Variants in RSRC1 observed in about 807,000 individuals in gnomAD.
The protein encoded by RSRC1 is serine/Arginine-related protein 53.
A neutral mutation model predicts 49.1 loss-of-function variants in RSRC1; 39 were observed. The observed-to-expected ratio is 0.79, with a 90% CI of 0.61 to 1.04. The LOEUF (loss-of-function observed/expected upper bound fraction) is 1.04. RSRC1 is among the 50% of genes least tolerant of loss of function. The pLI is 0.00. For synonymous variants in RSRC1, 143 were observed against 130.8 expected (o/e 1.09, Z -0.63); for missense variants, 388 against 402.4 (o/e 0.96, Z 0.31).
Position 158,230,210 on chromosome 3 carries a change from G to T in RSRC1, c.494+26965G>T, listed in dbSNP as rs143460465. On this transcript the variant is annotated intron_variant, in intron 4 of 9. Coordinates refer to ENST00000611884, the MANE Select transcript of RSRC1 (RefSeq NM_001271838.2). ...AATGTTTCTTCATGATTGGAATCAGGTTGTGTATTTCTTTCTTTCTTTTTT... is the reference window on the plus strand; with the variant it reads ...AATGTTTCTTCATGATTGGAATCAGTTTGTGTATTTCTTTCTTTCTTTTTT... Among the ~76,000 whole-genome samples, 97 of 152,098 alleles carry T rather than the reference G, an allele frequency of 6.4e-4. 1 individual carries two copies. The highest frequency in any genetic ancestry group is 1.2e-3 in the Non-Finnish European group (79 of 67,964).
At position 158,246,385 on chromosome 3, in the gene RSRC1, C is replaced by A. The variant is rs568944750; in HGVS notation, c.494+43140C>A. Among the ~76,000 whole-genome samples, 13 of 125,734 alleles carry A rather than the reference C, an allele frequency of 1.0e-4. No homozygotes were observed. In the South Asian group the frequency reaches 3.2e-3, roughly 31 times the overall value. The allele number at this position is 125,734 out of a possible 152,430, so 82.5% of individuals were successfully genotyped here. A position where few individuals can be genotyped will look rare whatever the true frequency, so the allele number is the denominator to read the frequency against. On this transcript the variant is annotated intron_variant, in intron 4 of 9. Transcript: ENST00000611884. ...CACGTTGTGCACATGTACCTTAAAACTTAAAGTATAATAAAAAAAAAAAGG... is the reference window on the plus strand; with the variant it reads ...CACGTTGTGCACATGTACCTTAAAAATTAAAGTATAATAAAAAAAAAAAGG...
chr3:158,398,872 G>T (rs961902513), intron 6 of RSRC1, among the ~76,000 whole-genome samples: 1 of 152,076 alleles, frequency 6.6e-6, no homozygotes, highest in South Asian at 2.1e-4. Context: ...GACAGAGAAG[G>T]AGTCTGTGGT....
chr3:158,124,922 C>T (rs1715520542), intron 3 of RSRC1, among the ~76,000 whole-genome samples: 1 of 149,386 alleles, frequency 6.7e-6, no homozygotes, highest in African/African-American at 2.5e-5. Flanking sequence ...GCTCAATGAT[C>T]TTCTCACCTC....
At chr3:158,389,468 A>G (rs73170369) in intron 6 of RSRC1, among the ~76,000 whole-genome samples, 20,705 of 152,162 alleles carry the variant, frequency 0.14, 1,519 homozygotes, top group Middle Eastern at 0.2. Context: ...ATATCTATAC[A>G]TATGTACCCA....
intron 5 of RSRC1, among the ~76,000 whole-genome samples, chr3:158,326,996 G>C (rs1310577069): frequency 6.6e-6 from 1 of 152,182 alleles, no homozygotes; most frequent in Non-Finnish European, 1.5e-5. Flanking sequence ...ATTTGTTCTA[G>C]ATTTTCTAGT....
intron 6 of RSRC1, among the ~76,000 whole-genome samples, chr3:158,430,763 T>C (rs934957402): frequency 1.3e-5 from 2 of 151,938 alleles, no homozygotes; most frequent in Admixed American, 6.6e-5. Flanking sequence ...TATAACTGTA[T>C]TACCTACCAC....
intron 4 of RSRC1, among the ~76,000 whole-genome samples, chr3:158,291,804 T>G (rs916376518): frequency 1.3e-5 from 2 of 152,246 alleles, no homozygotes; most frequent in Non-Finnish European, 2.9e-5. Context: ...ACTGTTCTTC[T>G]GTTTTAAGAA....
chr3:158,190,290 A>G (rs994699432), intron 3 of RSRC1, among the ~76,000 whole-genome samples: 6 of 151,914 alleles, frequency 3.9e-5, no homozygotes, highest in Non-Finnish European at 7.4e-5. Flanking sequence ...TAGTTACAGG[A>G]CTGTTCTTGC....
chr3:158,161,501 C>T (rs1435962075), intron 3 of RSRC1, among the ~76,000 whole-genome samples: 6 of 152,148 alleles, frequency 3.9e-5, no homozygotes, highest in Admixed American at 6.5e-5. Flanking sequence ...GTGGCTCACG[C>T]CTGTAATCCC....
intron 7 of RSRC1, among the ~76,000 whole-genome samples, chr3:158,510,730 A>C (rs560897026): frequency 3.4e-4 from 52 of 152,308 alleles, no homozygotes; most frequent in Non-Finnish European, 6.0e-4. Flanking sequence ...TTGTGCTATC[A>C]GATAGTAGGT....
chr3:158,284,703 G>A (rs1726403260), intron 4 of RSRC1, among the ~76,000 whole-genome samples: 2 of 152,028 alleles, frequency 1.3e-5, no homozygotes, highest in South Asian at 4.1e-4. Flanking sequence ...TTTGAGAAGT[G>A]TCTGTTCACG....
intron 1 of RSRC1, among the ~76,000 whole-genome samples, chr3:158,113,341 A>G (rs1714542410): frequency 6.6e-6 from 1 of 150,676 alleles, no homozygotes; most frequent in South Asian, 2.1e-4. Flanking sequence ...CTGTCTCTCC[A>G]CAGCCTTGCC....
intron 3 of RSRC1, among the ~76,000 whole-genome samples, chr3:158,156,402 G>C (rs1717881022): frequency 6.6e-6 from 1 of 152,092 alleles, no homozygotes; most frequent in Non-Finnish European, 1.5e-5. Context: ...CAGTAATAAG[G>C]CTATTTCATT....
At chr3:158,158,411 TATTATA>T (rs770444663) in intron 3 of RSRC1, among the ~76,000 whole-genome samples, 1 of 152,188 alleles carries the variant, frequency 6.6e-6, no homozygotes, top group Non-Finnish European at 1.5e-5. Context: ...TACTGAGGGA[TATTATA>T]ATTATATATT....
intron 6 of RSRC1, among the ~76,000 whole-genome samples, chr3:158,376,360 C>T (rs1323445049): frequency 4.0e-5 from 6 of 151,844 alleles, no homozygotes; most frequent in Admixed American, 3.9e-4. Context: ...CGGGGTTTCA[C>T]CATGTTGGTC....
chr3:158,413,868 C>T (rs527492691), intron 6 of RSRC1, among the ~76,000 whole-genome samples: 58 of 152,216 alleles, frequency 3.8e-4, no homozygotes, highest in African/African-American at 1.3e-3. Flanking sequence ...GAAATAGGAA[C>T]GCTTTCACAC....
intron 3 of RSRC1, among the ~76,000 whole-genome samples, chr3:158,158,563 A>G (rs1272670245): frequency 2.6e-5 from 4 of 152,000 alleles, no homozygotes; most frequent in East Asian, 1.9e-4. Context: ...CACCTTCACT[A>G]TGGGGTAGCA....
chr3:158,339,497 G>A (rs949424629), intron 5 of RSRC1, among the ~76,000 whole-genome samples: 1 of 152,076 alleles, frequency 6.6e-6, no homozygotes, highest in African/African-American at 2.4e-5. Context: ...TATTTATAAT[G>A]TAGATTACGT....
chr3:158,395,926 A>C (rs570175666), intron 6 of RSRC1, among the ~76,000 whole-genome samples: 20 of 152,284 alleles, frequency 1.3e-4, no homozygotes, highest in African/African-American at 4.8e-4. Flanking sequence ...AAAGACATGG[A>C]ATCAACCTAA....
Sources: gnomAD v4.1 joint callset for allele counts (sites outside exome capture counted in the v4.1 genomes callset) on GRCh38, gnomAD v4.1.1 for gene constraint, MANE v1.5 for transcripts, NCBI Gene and HGNC (gene_info 2026-07-23, HGNC 2026-07-21) for gene names.